CEP85L: variants seen among roughly 807,000 people sequenced by gnomAD.
CEP85L encodes centrosomal protein of 85 kDa-like.
CEP85L carries 60 observed loss-of-function variants against 100.3 expected under a neutral mutation model. The ratio of observed to expected loss-of-function variants is 0.60; its 90% CI spans 0.49 to 0.74. The LOEUF (loss-of-function observed/expected upper bound fraction) is 0.74. Ranked by LOEUF, CEP85L falls within the 30% of genes least tolerant of loss-of-function variation. CEP85L has a pLI of 0.00. For missense variants in CEP85L, 973 were observed against 936.2 expected (o/e 1.04, Z -0.51); for synonymous variants, 319 against 322.7 (o/e 0.99, Z 0.12).
At chr6:118,564,177 G>C (rs1779374699) in intron 3 of CEP85L, among the ~76,000 whole-genome samples, 1 of 152,088 alleles carries the variant, frequency 6.6e-6, no homozygotes, top group Non-Finnish European at 1.5e-5. Context: ...TTAAACCAGA[G>C]ATTTGTCCAA....
intron 7 of CEP85L, among the ~76,000 whole-genome samples, chr6:118,483,215 A>G (rs1355684614): frequency 6.6e-6 from 1 of 152,018 alleles, no homozygotes; most frequent in Non-Finnish European, 1.5e-5. Context: ...TAGGAGAAAG[A>G]CTCTGAGGTA....
intron 6 of CEP85L, 139 bp downstream of exon 6, chr6:118,491,547 A>C: frequency 7.0e-7 from 1 of 1,424,572 alleles, no homozygotes; most frequent in South Asian, 1.6e-5. Flanking sequence ...GGGCTTCTCA[A>C]AAGTTACTAC....
In CEP85L at chr6:118,462,045, C is replaced by A. The variant is rs1341960694; in HGVS notation, c.*3360G>T. 2.0e-5 allele frequency: 3 copies of A among 152,086 alleles called. No individual in the cohort carries two copies. Among genetic ancestry groups the A allele is most frequent in the African/African-American group, 7.2e-5 (3 of 41,538 alleles). The allele number at this position is 152,086 out of a possible 1,614,324, so 9.4% of individuals were successfully genotyped here. The stretch of plus-strand genomic sequence containing the variant: ...AACATCCTCTAAGAAATTAATAATT[C>A]TTGCACTATGAAAGAATTACTTTAT... On this transcript the variant is annotated 3_prime_UTR_variant, in exon 13 of 13. Coordinates refer to ENST00000368491, the MANE Select transcript of CEP85L (RefSeq NM_001042475.3).
At chr6:118,551,025 C>T (rs1778512115) in intron 3 of CEP85L, among the ~76,000 whole-genome samples, 1 of 151,770 alleles carries the variant, frequency 6.6e-6, no homozygotes, top group Non-Finnish European at 1.5e-5. Context: ...ATCAAAGTTT[C>T]CTTTTATTTG....
At chr6:118,567,111 G>T (rs1020359388) in intron 2 of CEP85L, among the ~76,000 whole-genome samples, 1 of 151,496 alleles carries the variant, frequency 6.6e-6, no homozygotes, top group African/African-American at 2.4e-5. Context: ...GAGTAAAGGT[G>T]CTCCTGCAAT....
At chr6:118,503,221 TA>T (rs1479823120) in intron 5 of CEP85L, among the ~76,000 whole-genome samples, 4 of 152,198 alleles carry the variant, frequency 2.6e-5, no homozygotes, top group Non-Finnish European at 5.9e-5. Context: ...AAGATAGGTA[TA>T]AATCTAACAA....
chr6:118,599,652 G>A (rs1440388481), intron 2 of CEP85L, among the ~76,000 whole-genome samples: 2 of 152,120 alleles, frequency 1.3e-5, no homozygotes, highest in African/African-American at 4.8e-5. Context: ...TTTTATAGAA[G>A]AGAAACCTGG....
intron 2 of CEP85L, among the ~76,000 whole-genome samples, chr6:118,630,587 G>A (rs1233630771): frequency 6.6e-6 from 1 of 152,112 alleles, no homozygotes; most frequent in Non-Finnish European, 1.5e-5. Flanking sequence ...CAGACAATGG[G>A]ATATTACTCA....
chr6:118,535,596 T>A (rs79272465), intron 3 of CEP85L, among the ~76,000 whole-genome samples: 3,354 of 152,270 alleles, frequency 0.022, 55 homozygotes, highest in Middle Eastern at 0.054. Context: ...TGTGATGAAA[T>A]CCCACACCAT....
chr6:118,597,524 T>C (rs1424935090), intron 2 of CEP85L, among the ~76,000 whole-genome samples: 2 of 152,218 alleles, frequency 1.3e-5, no homozygotes, highest in African/African-American at 2.4e-5. Flanking sequence ...GTGAAAATCA[T>C]ACTCTCCCAT....
intron 5 of CEP85L, 37 bp downstream of exon 5, chr6:118,511,261 A>T: frequency 8.0e-7 from 1 of 1,254,968 alleles, no homozygotes; most frequent in Non-Finnish European, 1.2e-6. Context: ...CACAAGCTTT[A>T]CTACTAAAAC....
At chr6:118,559,812 G>A (rs930141620) in intron 3 of CEP85L, 3 of 167,318 alleles carry the variant, frequency 1.8e-5, no homozygotes, top group African/African-American at 7.2e-5. Context: ...TAAGACATAT[G>A]ATCAACAGAT....
chr6:118,629,736 A>C (rs1412929297), intron 2 of CEP85L, among the ~76,000 whole-genome samples: 1 of 152,218 alleles, frequency 6.6e-6, no homozygotes, highest in Non-Finnish European at 1.5e-5. Context: ...CCAAAATAAA[A>C]GTCCTAACCC....
rs757958949 is a variant in CEP85L at position 118,483,671 on chromosome 6, T to C, written c.1590+35A>G. 5.1e-6 allele frequency: 8 copies of C among 1,577,670 alleles called. No individual in the cohort carries two copies. In the African/African-American group the frequency reaches 9.5e-5, roughly 19 times the overall value. On this transcript the variant is annotated intron_variant, in intron 7 of 12. Transcript: ENST00000368491. ...CTAGAGTCAAGTTAACATGTTTTCA[T>C]GTCATTTAAAGATAAGCATTTTATT...
chr6:118,462,555 C>G lies in CEP85L; in HGVS notation c.*2850G>C, dbSNP rs937304056. 5.9e-5 allele frequency: 9 copies of G among 151,912 alleles called. No individual in the cohort carries two copies. The highest frequency in any genetic ancestry group is 1.0e-4 in the Non-Finnish European group (7 of 67,876). The allele number at this position is 151,912 out of a possible 1,614,324, so 9.4% of individuals were successfully genotyped here. A position where few individuals can be genotyped will look rare whatever the true frequency, so the allele number is the denominator to read the frequency against. ...AATACTGGATAAGATACTTTCTAAG[C>G]AAACAAGTGTTGGATTCACAAAAAG... On this transcript the variant is annotated 3_prime_UTR_variant, in exon 13 of 13. Transcript: ENST00000368491.
intron 1 of CEP85L, among the ~76,000 whole-genome samples, chr6:118,682,193 A>G (rs962302092): frequency 6.6e-6 from 1 of 152,246 alleles, no homozygotes; most frequent in Non-Finnish European, 1.5e-5. Flanking sequence ...CTGTTTTAAC[A>G]TATTTTCATC....
At chr6:118,516,594 GGTT>G (rs1272277753) in intron 4 of CEP85L, among the ~76,000 whole-genome samples, 4 of 152,014 alleles carry the variant, frequency 2.6e-5, no homozygotes, top group Admixed American at 6.6e-5. Flanking sequence ...TTTTTGATGT[GGTT>G]GTTTTTTTCT....
At chr6:118,630,994 G>C (rs1774108902) in intron 2 of CEP85L, among the ~76,000 whole-genome samples, 1 of 152,336 alleles carries the variant, frequency 6.6e-6, no homozygotes, top group African/African-American at 2.4e-5. Flanking sequence ...CTGGTCCGTG[G>C]AAAAACTATC....
chr6:118,509,838 C>G (rs1775867430), intron 5 of CEP85L, among the ~76,000 whole-genome samples: 2 of 151,994 alleles, frequency 1.3e-5, no homozygotes. Flanking sequence ...AACATGCAAA[C>G]AAGTTTTAAA....
Sources: allele counts gnomAD v4.1 joint callset (sites outside exome capture counted in the v4.1 genomes callset), GRCh38; gene constraint gnomAD v4.1.1; transcripts MANE v1.5; gene names NCBI Gene and HGNC (gene_info 2026-07-23, HGNC 2026-07-21).